PVT1: variants seen among roughly 807,000 people sequenced by gnomAD.
PVT1 encodes the protein Pvt1 oncogene, also known as CXCR4/PVT1 fusion.
rs1816623186 is a variant in PVT1, at chr8:127,960,188, T to A, written n.783-28974T>A. ...TCCAGTACAGCCTGTTACTGCAGTT[T>A]CCAAGTTGGAGGGTCCGTGAGTCTA... On this transcript the variant is annotated intron_variant and non_coding_transcript_variant, in intron 3 of 10. Transcript: ENST00000651587. 2.6e-5 allele frequency among the ~76,000 whole-genome samples: 4 copies of A among 152,192 alleles called. No individual in the cohort carries two copies. The South Asian group carries it at 8.3e-4, about 32-fold the overall frequency.
chr8:127,834,884 A>C (rs1166475847), intron 2 of PVT1, among the ~76,000 whole-genome samples: 1 of 152,228 alleles, frequency 6.6e-6, no homozygotes, highest in Admixed American at 6.5e-5. Context: ...ATGCAATCAA[A>C]ACCACAATGA....
At chr8:127,886,399 C>T (rs957006856) in intron 2 of PVT1, among the ~76,000 whole-genome samples, 5 of 152,276 alleles carry the variant, frequency 3.3e-5, no homozygotes, top group East Asian at 1.9e-4. Flanking sequence ...TTCCCACCCC[C>T]GATATTGATC....
At chr8:128,067,205 T>G (rs1241634414) in intron 4 of PVT1, among the ~76,000 whole-genome samples, 1 of 152,244 alleles carries the variant, frequency 6.6e-6, no homozygotes, top group African/African-American at 2.4e-5. Flanking sequence ...CTAACTCGGT[T>G]ATACACTCAA....
At chr8:128,026,453 C>T (rs182756937) in intron 4 of PVT1, among the ~76,000 whole-genome samples, 1 of 152,228 alleles carries the variant, frequency 6.6e-6, no homozygotes, top group East Asian at 1.9e-4. Context: ...GTGTTATTCT[C>T]ATCCATATTT....
At chr8:127,937,261 TTTTTCTTTTCTTTTC>T (rs1330928568) in intron 3 of PVT1, among the ~76,000 whole-genome samples, 2 of 80,146 alleles carry the variant, frequency 2.5e-5, no homozygotes, top group South Asian at 8.0e-4. Flanking sequence ...TTTCTTTTCT[TTTTTCTTTTCTTTTC>T]TTTTTTTTTT....
intron 2 of PVT1, among the ~76,000 whole-genome samples, chr8:127,886,123 A>G (rs1815520032): frequency 6.6e-6 from 1 of 152,152 alleles, no homozygotes; most frequent in Non-Finnish European, 1.5e-5. Flanking sequence ...AAATAAATAA[A>G]TAAATAAATG....
rs11438511 is a variant in PVT1 at position 128,021,290 on chromosome 8, C to CTTTTTTTTTTTTTT, written n.912+32007_912+32020dup. ...CCAGTCCGATTCCCCAGGACTTGTGCTTTTTTTTTTTTTTTTTTTTTGAGA... is the reference window on the plus strand; with the variant it reads ...CCAGTCCGATTCCCCAGGACTTGTGCTTTTTTTTTTTTTTTTTTTTTTTTTTTTTTTTTTTGAGA... On this transcript the variant is annotated intron_variant and non_coding_transcript_variant, in intron 4 of 10. Transcript: ENST00000651587. Among the ~76,000 whole-genome samples, 21 of 81,138 alleles carry CTTTTTTTTTTTTTT rather than the reference C, an allele frequency of 2.6e-4. 2 individuals are homozygous for CTTTTTTTTTTTTTT. The highest frequency in any genetic ancestry group is 3.5e-4 in the Non-Finnish European group (16 of 45,198). The allele number at this position is 81,138 out of a possible 152,430, so 53.2% of individuals were successfully genotyped here. A position where few individuals can be genotyped will look rare whatever the true frequency, so the allele number is the denominator to read the frequency against.
Position 128,041,441 on chromosome 8 carries a change from GTA to G in PVT1, n.913-28717_913-28716del, listed in dbSNP as rs371398677. Among the ~76,000 whole-genome samples the G allele has an allele frequency of 7.5e-3, 1,132 of 150,898 alleles. 11 individuals carry two copies. Among genetic ancestry groups the G allele is most frequent in the African/African-American group, 0.026 (1,057 of 41,180 alleles). The stretch of plus-strand genomic sequence containing the variant: ...TGTGCTCGTGTGTTTGTGTGCATGT[GTA>G]TGTGTTTGGCGTGTATATGTGTTTG... On this transcript the variant is annotated intron_variant and non_coding_transcript_variant, in intron 4 of 10. Coordinates refer to ENST00000651587, the Ensembl canonical transcript of PVT1.
chr8:127,875,996 T>C (rs59949767), intron 2 of PVT1, among the ~76,000 whole-genome samples: 1,734 of 152,316 alleles, frequency 0.011, 38 homozygotes, highest in African/African-American at 0.039. Flanking sequence ...ACCCCTGCCT[T>C]ACCTGGGGGA....
intron 4 of PVT1, among the ~76,000 whole-genome samples, chr8:128,035,937 T>G (rs915733120): frequency 6.6e-6 from 1 of 152,256 alleles, no homozygotes; most frequent in Non-Finnish European, 1.5e-5. Context: ...TAGTTCCTTA[T>G]GACTTAGTTC....
chr8:128,005,290 T>A (rs999599621), intron 4 of PVT1, among the ~76,000 whole-genome samples: 2 of 152,196 alleles, frequency 1.3e-5, no homozygotes, highest in Non-Finnish European at 2.9e-5. Flanking sequence ...ATCGTTAGTG[T>A]TAGTGTATTT....
intron 4 of PVT1, among the ~76,000 whole-genome samples, chr8:128,063,362 AT>A (rs968284205): frequency 6.6e-5 from 10 of 152,130 alleles, no homozygotes; most frequent in Non-Finnish European, 1.2e-4. Flanking sequence ...AACTACAAAA[AT>A]TAGCCAGGTG....
At chr8:127,798,075 G>A (rs1426277654) in intron 2 of PVT1, among the ~76,000 whole-genome samples, 1 of 152,096 alleles carries the variant, frequency 6.6e-6, no homozygotes, top group Non-Finnish European at 1.5e-5. Flanking sequence ...GGCTGAGGCA[G>A]GTGGATCACC....
intron 2 of PVT1, among the ~76,000 whole-genome samples, chr8:127,826,632 C>T (rs989117363): frequency 6.6e-6 from 1 of 152,154 alleles, no homozygotes; most frequent in Non-Finnish European, 1.5e-5. Context: ...TACACACAAG[C>T]ATATTTGCAT....
rs71566652 is a variant in PVT1 at position 127,896,774 on chromosome 8, TC to T, written n.782+5786del. On this transcript the variant is annotated intron_variant and non_coding_transcript_variant, in intron 3 of 10. Coordinates refer to ENST00000651587, the Ensembl canonical transcript of PVT1. Reference sequence around the variant, plus strand: ...TAGCTATTTTTCCTGATGCCTTTCCTCCCCCCCCCCGCCCCCGACCCACAGG... The same window carrying T: ...TAGCTATTTTTCCTGATGCCTTTCCTCCCCCCCCCGCCCCCGACCCACAGG... 1.7e-3 allele frequency among the ~76,000 whole-genome samples: 188 copies of T among 112,330 alleles called. 1 individual carries two copies. The highest frequency in any genetic ancestry group is 0.011 in the East Asian group (44 of 4,030). The allele number at this position is 112,330 out of a possible 152,430, so 73.7% of individuals were successfully genotyped here.
intron 4 of PVT1, among the ~76,000 whole-genome samples, chr8:128,037,313 G>A (rs1313848800): frequency 6.6e-6 from 1 of 152,234 alleles, no homozygotes; most frequent in African/African-American, 2.4e-5. Context: ...TCAGAGGGGA[G>A]TAATCATTAT....
intron 2 of PVT1, among the ~76,000 whole-genome samples, chr8:127,826,407 G>A (rs1179935565): frequency 2.0e-5 from 3 of 152,080 alleles, no homozygotes; most frequent in South Asian, 2.1e-4. Flanking sequence ...ATTCCCCAGC[G>A]TTGAGTTCAG....
chr8:127,962,952 G>A (rs1490068512), intron 3 of PVT1, among the ~76,000 whole-genome samples: 2 of 152,200 alleles, frequency 1.3e-5, no homozygotes, highest in African/African-American at 4.8e-5. Flanking sequence ...TTTACTTGCA[G>A]ATGGGCAGTA....
At chr8:128,065,583 G>A (rs566649595) in intron 4 of PVT1, among the ~76,000 whole-genome samples, 1 of 152,144 alleles carries the variant, frequency 6.6e-6, no homozygotes, top group Non-Finnish European at 1.5e-5. Flanking sequence ...GAACCCTGAG[G>A]GTAAGGGAGA....
Sources: allele counts gnomAD v4.1 joint callset (sites outside exome capture counted in the v4.1 genomes callset), GRCh38; gene constraint gnomAD v4.1.1; transcripts MANE v1.5; gene names NCBI Gene and HGNC (gene_info 2026-07-23, HGNC 2026-07-21).